Variants in DNAH6 observed in about 807,000 individuals in gnomAD.
The protein encoded by DNAH6 is dynein axonemal heavy chain 6.
DNAH6 carries 340 observed loss-of-function variants against 491.4 expected under a neutral mutation model. The ratio of observed to expected loss-of-function variants is 0.69; its 90% CI spans 0.63 to 0.76. DNAH6 has a LOEUF of 0.76. Among genes scored for constraint, DNAH6 ranks in the 30% least tolerant of loss-of-function variants. DNAH6 has a pLI of 0.00. For synonymous variants in DNAH6, 1,603 were observed against 1,686.1 expected, an observed-to-expected ratio of 0.95 and a Z score of 1.21; for missense variants, 4,443 against 4,972.2, an observed-to-expected ratio of 0.89 and a Z score of 3.20.
chr2:84,611,681 G>C lies in DNAH6; in HGVS notation c.3302G>C (p.Trp1101Ser). ...LALFNQTLEE[W>S]LTCQRNWLYL... The stretch of plus-strand genomic sequence containing the variant: ...TCCATATTTTTCTCCTAGGAAGAGT[G>C]GCTGACCTGCCAGAGAAACTGGCTC... Residue 1101 changes from tryptophan to serine, a missense_variant, in exon 22 of 77, where the codon TGG becomes TCG. Around this residue, in one of 3 missense-constraint regions of DNAH6, gnomAD observed 2,977 missense variants for 3,296.6 expected, o/e 0.90. Coordinates refer to ENST00000389394, the MANE Select transcript of DNAH6 (RefSeq NM_001370.2). The C allele has an allele frequency of 6.4e-7, 1 of 1,550,498 alleles. No individual in the cohort carries two copies. The highest frequency in any genetic ancestry group is 8.7e-7 in the Non-Finnish European group (1 of 1,146,286).
At chr2:84,660,614 T>G (rs1381438647) in intron 37 of DNAH6, among the ~76,000 whole-genome samples, 1 of 151,886 alleles carries the variant, frequency 6.6e-6, no homozygotes, top group African/African-American at 2.4e-5. Context: ...TTCTAAGTAT[T>G]TACTTAAAAA....
In DNAH6 at chr2:84,701,280, C is replaced by T. The variant is rs1429738219; in HGVS notation, c.8002C>T (p.Leu2668=). ...RRYYTTPTSY[L]ELINLYLSML... ...GTACTACACGACACCCACCTCCTAC[C>T]TGGAGCTTATCAATCTTTACCTGTC... is the stretch of plus-strand genomic sequence containing the variant. Residue 2668 remains leucine (L), a synonymous_variant, in exon 49 of 77, where the codon CTG becomes TTG. Coordinates refer to ENST00000389394, the MANE Select transcript of DNAH6 (RefSeq NM_001370.2). The T allele has an allele frequency of 3.2e-6, 5 of 1,551,778 alleles. No individual in the cohort carries two copies. The East Asian group carries it at 1.2e-4, about 38-fold the overall frequency.
chr2:84,668,131 C>A (rs1025817608), intron 37 of DNAH6, among the ~76,000 whole-genome samples: 3 of 152,144 alleles, frequency 2.0e-5, no homozygotes, highest in African/African-American at 7.2e-5. Flanking sequence ...AGGAGAAATA[C>A]CTAATGTAAG....
At chr2:84,809,159 AATG>A (rs1679722364) in intron 72 of DNAH6, among the ~76,000 whole-genome samples, 1 of 152,202 alleles carries the variant, frequency 6.6e-6, no homozygotes, top group African/African-American at 2.4e-5. Flanking sequence ...TTGCATTTGT[AATG>A]ATGGTCAAAG....
In DNAH6 at chr2:84,697,739, C is replaced by CA; in HGVS notation, c.7677+13dup. On this transcript the variant is annotated intron_variant, in intron 47 of 76. Coordinates refer to ENST00000389394, the MANE Select transcript of DNAH6 (RefSeq NM_001370.2). Reference sequence around the variant, plus strand: ...GGAACAGAGACGAGGTAGGATGTGCCAGAGTAGTTATGTGGCTTTATCACA... The same window carrying CA: ...GGAACAGAGACGAGGTAGGATGTGCCAAGAGTAGTTATGTGGCTTTATCACA... 1 of 1,551,460 alleles carries CA rather than the reference C, an allele frequency of 6.4e-7. No individual in the cohort carries two copies. The highest frequency in any genetic ancestry group is 1.2e-5 in the South Asian group (1 of 84,048).
At chr2:84,564,827 G>C (rs745874706) in intron 11 of DNAH6, among the ~76,000 whole-genome samples, 3 of 152,116 alleles carry the variant, frequency 2.0e-5, no homozygotes, top group Non-Finnish European at 2.9e-5. Context: ...CTGTGTGTTT[G>C]TCATAGATGG....
chr2:84,819,379 T>G lies in DNAH6; in HGVS notation c.12448T>G (p.Ser4150Ala), dbSNP rs1255249968. 1.5e-5 allele frequency: 23 copies of G among 1,551,264 alleles called. No individual in the cohort carries two copies. The highest frequency in any genetic ancestry group is 3.9e-5 in the Admixed American group (2 of 50,954). Residue 4150 changes from serine to alanine, a missense_variant, in exon 77 of 77, where the codon TCA becomes GCA. Coordinates refer to ENST00000389394, the MANE Select transcript of DNAH6 (RefSeq NM_001370.2). ...CAAAGACTACTGGATTGCCAAGGGATCAGCTTTGCTCTGCCAGCTGAGCGA... is the reference window on the plus strand; with the variant it reads ...CAAAGACTACTGGATTGCCAAGGGAGCAGCTTTGCTCTGCCAGCTGAGCGA... ...RSKDYWIAKG[S>A]ALLCQLSE is the part of the protein sequence containing the mutation.
chr2:84,777,862 C>T (rs1676298959), intron 64 of DNAH6: 8 of 1,245,848 alleles, frequency 6.4e-6, no homozygotes, highest in Non-Finnish European at 9.5e-6. Context: ...AATTGCAGTT[C>T]GTGCTGTATT....
At chr2:84,553,276 C>T (rs914912756) in intron 10 of DNAH6, among the ~76,000 whole-genome samples, 7 of 152,120 alleles carry the variant, frequency 4.6e-5, no homozygotes, top group African/African-American at 7.2e-5. Context: ...ACATTCTATA[C>T]AAAATTTAAA....
At chr2:84,711,680 A>G (rs974599600) in intron 56 of DNAH6, among the ~76,000 whole-genome samples, 3 of 152,202 alleles carry the variant, frequency 2.0e-5, no homozygotes, top group Admixed American at 6.5e-5. Context: ...TGCATAAACT[A>G]TCCAAGCAAC....
the DNAH6 span, among the ~76,000 whole-genome samples, chr2:84,462,860 G>A: frequency 6.6e-6 from 1 of 152,154 alleles, no homozygotes; most frequent in East Asian, 1.9e-4. Context: ...GGCAATATTT[G>A]GTGTATCAAG....
intron 62 of DNAH6, among the ~76,000 whole-genome samples, chr2:84,734,137 A>G (rs1699338961): frequency 6.6e-6 from 1 of 150,804 alleles, no homozygotes; most frequent in African/African-American, 2.4e-5. Context: ...TTTCAATTCT[A>G]AAACTACACT....
intron 4 of DNAH6, among the ~76,000 whole-genome samples, chr2:84,532,534 T>C (rs1353702635): frequency 6.6e-6 from 1 of 152,168 alleles, no homozygotes; most frequent in African/African-American, 2.4e-5. Context: ...TGTGATAAAA[T>C]AACTGTAAGG....
At chr2:84,660,342 G>A (rs74723433) in intron 37 of DNAH6, among the ~76,000 whole-genome samples, 7,776 of 152,078 alleles carry the variant, frequency 0.051, 194 homozygotes, top group Middle Eastern at 0.085. Context: ...TCATAGTATA[G>A]GATCATAACC....
Position 84,781,482 on chromosome 2 carries a change from G to A in DNAH6, c.10704-11G>A. Reference sequence around the variant, plus strand: ...CATAAGATGATATTGTGTTCTTGCTGTTCAATTCAGGGTGCAGTCAATTTC... The same window carrying A: ...CATAAGATGATATTGTGTTCTTGCTATTCAATTCAGGGTGCAGTCAATTTC... On this transcript the variant is annotated splice_polypyrimidine_tract_variant and intron_variant, in intron 64 of 76. Transcript: ENST00000389394. 6.5e-7 allele frequency: 1 copy of A among 1,543,056 alleles called. No individual in the cohort carries two copies. Among genetic ancestry groups the A allele is most frequent in the Non-Finnish European group, 8.8e-7 (1 of 1,141,220 alleles).
the DNAH6 span, among the ~76,000 whole-genome samples, chr2:84,508,587 G>A: frequency 2.6e-5 from 4 of 152,076 alleles, no homozygotes; most frequent in Admixed American, 6.5e-5. Context: ...TCTGATCTTA[G>A]TTATTTCTTG....
At chr2:84,704,360 T>C in intron 51 of DNAH6, 58 bp downstream of exon 51, 1 of 1,264,796 alleles carries the variant, frequency 7.9e-7, no homozygotes, top group Non-Finnish European at 1.1e-6. Context: ...TTTACTGTTT[T>C]CCTCCATGGT....
At chr2:84,785,906 T>C in intron 67 of DNAH6, 150 bp downstream of exon 67, 1 of 747,712 alleles carries the variant, frequency 1.3e-6, no homozygotes, top group Non-Finnish European at 2.0e-6. Flanking sequence ...ATTCAATCTC[T>C]ATACTCCCCT....
chr2:84,577,934 T>G (rs1682630629), intron 13 of DNAH6, among the ~76,000 whole-genome samples: 1 of 152,200 alleles, frequency 6.6e-6, no homozygotes. Context: ...AAAACAGGAA[T>G]TGGAAAACTA....
Sources: gnomAD v4.1 joint callset for allele counts (sites outside exome capture counted in the v4.1 genomes callset) on GRCh38, gnomAD v4.1.1 for gene constraint, gnomAD v4.1.1 regional missense constraint, MANE v1.5 for transcripts, NCBI Gene and HGNC (gene_info 2026-07-23, HGNC 2026-07-21) for gene names.